CHSY3: variants seen among roughly 807,000 people sequenced by gnomAD.
The protein encoded by CHSY3 is N-acetylgalactosaminyl-proteoglycan 3-beta-glucuronosyltransferase 3.
Under a neutral mutation model 67.2 loss-of-function variants are expected in CHSY3, and 35 were observed. That is an observed-to-expected ratio of 0.52 (90% confidence interval 0.40 to 0.69). The LOEUF (loss-of-function observed/expected upper bound fraction) is 0.69, where lower values mean the gene tolerates loss of function less well. CHSY3 is among the 30% of genes least tolerant of loss of function. The pLI, the probability that CHSY3 is intolerant of heterozygous loss-of-function variation, is 0.00. For synonymous variants in CHSY3, 474 were observed against 434.7 expected, an observed-to-expected ratio of 1.09 and a Z score of -1.12; for missense variants, 1,069 against 1,138.5, an observed-to-expected ratio of 0.94 and a Z score of 0.88.
intron 2 of CHSY3, among the ~76,000 whole-genome samples, chr5:130,044,836 C>T (rs145664502): frequency 5.9e-5 from 9 of 152,046 alleles, no homozygotes; most frequent in Non-Finnish European, 1.2e-4. Flanking sequence ...TGGGTCATTC[C>T]CCGGATGCTG....
chr5:130,095,000 T>C (rs1766998595), intron 2 of CHSY3, among the ~76,000 whole-genome samples: 1 of 152,112 alleles, frequency 6.6e-6, no homozygotes. Context: ...GAAAGGGGAA[T>C]GCTAGAATGA....
In CHSY3 at chr5:130,146,779, T is replaced by TTTTTGTTTTG. The variant is rs536430526; in HGVS notation, c.1087-37430_1087-37421dup. Among the ~76,000 whole-genome samples, 295 of 151,932 alleles carry TTTTTGTTTTG rather than the reference T, an allele frequency of 1.9e-3. 5 individuals are homozygous for TTTTTGTTTTG. In the South Asian group the frequency reaches 0.033, roughly 17 times the overall value. On this transcript the variant is annotated intron_variant, in intron 2 of 2. Coordinates refer to ENST00000305031, the MANE Select transcript of CHSY3 (RefSeq NM_175856.5). ...TTAAAAAAAAAGCATTTTCATTTGT[T>TTTTTGTTTTG]TTTTGTTTTGTTTTGTTTTGTTTTG...
At chr5:130,163,146 A>C (rs553146918) in intron 2 of CHSY3, among the ~76,000 whole-genome samples, 1 of 152,204 alleles carries the variant, frequency 6.6e-6, no homozygotes, top group Non-Finnish European at 1.5e-5. Context: ...AGTAATGTCT[A>C]AGTTAGTTAT....
intron 2 of CHSY3, among the ~76,000 whole-genome samples, chr5:130,000,183 T>C (rs1194243191): frequency 1.3e-5 from 2 of 152,244 alleles, no homozygotes; most frequent in East Asian, 3.8e-4. Flanking sequence ...CTGTGCTTTT[T>C]ATGAAAGATA....
intron 1 of CHSY3, among the ~76,000 whole-genome samples, chr5:129,906,528 CTT>C (rs1016359572): frequency 1.2e-3 from 185 of 152,254 alleles, no homozygotes; most frequent in African/African-American, 4.3e-3. Context: ...CAAGAAAAAA[CTT>C]TTTTTGTCAG....
At chr5:129,929,301 T>C (rs1019613673) in intron 2 of CHSY3, among the ~76,000 whole-genome samples, 10 of 152,374 alleles carry the variant, frequency 6.6e-5, no homozygotes, top group Admixed American at 5.9e-4. Flanking sequence ...GTCCTTAGCA[T>C]GTTTACAGGA....
intron 2 of CHSY3, among the ~76,000 whole-genome samples, chr5:130,152,154 C>T (rs1334890215): frequency 6.6e-6 from 1 of 152,174 alleles, no homozygotes; most frequent in Non-Finnish European, 1.5e-5. Flanking sequence ...AGCACCCCAG[C>T]TGCATCTTCA....
chr5:130,043,644 G>C (rs1179189090), intron 2 of CHSY3, among the ~76,000 whole-genome samples: 1 of 152,100 alleles, frequency 6.6e-6, no homozygotes, highest in Non-Finnish European at 1.5e-5. Flanking sequence ...TTGCAGTACT[G>C]TTGCCTTCTA....
chr5:130,086,263 C>A (rs1766619713), intron 2 of CHSY3, among the ~76,000 whole-genome samples: 1 of 152,014 alleles, frequency 6.6e-6, no homozygotes, highest in African/African-American at 2.4e-5. Flanking sequence ...TTGTAGGTCA[C>A]TCAGGACTTG....
chr5:129,908,916 T>A (rs1235353724), intron 2 of CHSY3, among the ~76,000 whole-genome samples: 1 of 152,146 alleles, frequency 6.6e-6, no homozygotes, highest in Non-Finnish European at 1.5e-5. Context: ...AAAATTCCAA[T>A]CACTGTATTT....
intron 2 of CHSY3, among the ~76,000 whole-genome samples, chr5:130,028,354 A>G (rs1336427079): frequency 6.6e-6 from 1 of 152,048 alleles, no homozygotes; most frequent in Non-Finnish European, 1.5e-5. Context: ...GAAAAATACC[A>G]CACATCTACA....
chr5:130,184,141 T>A (rs1195986939), intron 2 of CHSY3, 88 bp from the exon 3 acceptor site: 12 of 1,238,592 alleles, frequency 9.7e-6, no homozygotes, highest in Non-Finnish European at 1.0e-5. Context: ...TATTAACATT[T>A]TCATTTAGAT....
At chr5:130,167,038 T>C (rs1024167880) in intron 2 of CHSY3, among the ~76,000 whole-genome samples, 5 of 152,042 alleles carry the variant, frequency 3.3e-5, no homozygotes, top group Non-Finnish European at 5.9e-5. Flanking sequence ...GGGAGAGAGA[T>C]TGAACTCAAT....
At chr5:130,179,405 C>T (rs1015909433) in intron 2 of CHSY3, among the ~76,000 whole-genome samples, 1 of 151,968 alleles carries the variant, frequency 6.6e-6, no homozygotes, top group African/African-American at 2.4e-5. Context: ...TCTCTCTTGT[C>T]TGTCATTAAC....
intron 2 of CHSY3, among the ~76,000 whole-genome samples, chr5:129,956,565 C>A (rs1762180630): frequency 6.6e-6 from 1 of 152,010 alleles, no homozygotes; most frequent in South Asian, 2.1e-4. Context: ...TTAATAATAT[C>A]CCATTTGTCA....
intron 2 of CHSY3, among the ~76,000 whole-genome samples, chr5:130,099,037 C>T (rs533327116): frequency 2.6e-5 from 4 of 152,188 alleles, no homozygotes; most frequent in Non-Finnish European, 5.9e-5. Context: ...ATGCAGATCC[C>T]AAAAGCAGTT....
intron 2 of CHSY3, among the ~76,000 whole-genome samples, chr5:130,076,410 T>C (rs1027237366): frequency 6.6e-6 from 1 of 151,562 alleles, no homozygotes; most frequent in East Asian, 1.9e-4. Context: ...GAGAATATAC[T>C]TTTTTTTGTA....
At chr5:130,162,048 A>AG (rs1769560868) in intron 2 of CHSY3, among the ~76,000 whole-genome samples, 1 of 134,408 alleles carries the variant, frequency 7.4e-6, no homozygotes. Flanking sequence ...CTCAAAAAAA[A>AG]AAAAAAAAAA....
chr5:129,940,751 T>G (rs1408986410), intron 2 of CHSY3, among the ~76,000 whole-genome samples: 1 of 152,058 alleles, frequency 6.6e-6, no homozygotes, highest in Non-Finnish European at 1.5e-5. Flanking sequence ...AGTATATTCA[T>G]GTGTGTAGAC....
Sources: gnomAD v4.1 joint callset for allele counts (sites outside exome capture counted in the v4.1 genomes callset) on GRCh38, gnomAD v4.1.1 for gene constraint, MANE v1.5 for transcripts, NCBI Gene and HGNC (gene_info 2026-07-23, HGNC 2026-07-21) for gene names.